The following CPE variants were observed in gnomAD, a reference collection of about 807,000 sequenced individuals.
The protein encoded by CPE is carboxypeptidase E, also known as carbocypeptidase E.
Under a neutral mutation model 53.5 loss-of-function variants are expected in CPE, and 17 were observed. The ratio of observed to expected loss-of-function variants is 0.32; its 90% CI spans 0.22 to 0.48. The LOEUF (loss-of-function observed/expected upper bound fraction) is 0.48, where lower values mean the gene tolerates loss of function less well. CPE is among the 20% of genes least tolerant of loss of function. CPE has a pLI of 0.99. For synonymous variants in CPE, 226 were observed against 228.8 expected (o/e 0.99, Z 0.11); for missense variants, 524 against 614.7 (o/e 0.85, Z 1.56).
chr4:165,442,097 C>T (rs574611047), intron 1 of CPE, among the ~76,000 whole-genome samples: 1 of 130,916 alleles, frequency 7.6e-6, no homozygotes, highest in East Asian at 2.4e-4. Flanking sequence ...GGCTGGAGTG[C>T]AGGAGTGTGA....
At chr4:165,471,993 C>G (rs1235257560) in intron 3 of CPE, among the ~76,000 whole-genome samples, 1 of 152,176 alleles carries the variant, frequency 6.6e-6, no homozygotes, top group South Asian at 2.1e-4. Flanking sequence ...CAAATAGTTT[C>G]CAAATTCTGG....
intron 3 of CPE, among the ~76,000 whole-genome samples, chr4:165,478,820 G>A (rs1421038351): frequency 6.6e-6 from 1 of 152,130 alleles, no homozygotes; most frequent in Non-Finnish European, 1.5e-5. Flanking sequence ...CCCTCTCAGA[G>A]AGTATTTTCC....
intron 4 of CPE, among the ~76,000 whole-genome samples, chr4:165,483,063 C>A (rs1445240510): frequency 6.6e-6 from 1 of 150,626 alleles, no homozygotes; most frequent in Non-Finnish European, 1.5e-5. Flanking sequence ...GGATATATTA[C>A]ATAATGGTGA....
intron 3 of CPE, among the ~76,000 whole-genome samples, 171 bp downstream of exon 3, chr4:165,468,026 C>T (rs1732139542): frequency 6.6e-6 from 1 of 152,016 alleles, no homozygotes; most frequent in Non-Finnish European, 1.5e-5. Context: ...TTGTCCTGGC[C>T]CCTAGAATTG....
chr4:165,421,272 C>G (rs1259854711), intron 1 of CPE, among the ~76,000 whole-genome samples: 1 of 152,168 alleles, frequency 6.6e-6, no homozygotes, highest in Non-Finnish European at 1.5e-5. Context: ...TTAAAAACAA[C>G]ACATGTATTG....
intron 1 of CPE, among the ~76,000 whole-genome samples, chr4:165,414,228 A>G (rs1296887383): frequency 6.6e-6 from 1 of 152,222 alleles, no homozygotes; most frequent in Non-Finnish European, 1.5e-5. Context: ...TAATCTGTCA[A>G]ATTGATCAGA....
chr4:165,416,696 T>C (rs1488746315), intron 1 of CPE, among the ~76,000 whole-genome samples: 1 of 151,658 alleles, frequency 6.6e-6, no homozygotes, highest in African/African-American at 2.4e-5. Context: ...CCTTCTTGAT[T>C]CCCCCGGCCT....
At chr4:165,414,074 T>G (rs2126669382) in intron 1 of CPE, among the ~76,000 whole-genome samples, 2 of 152,320 alleles carry the variant, frequency 1.3e-5, no homozygotes, top group South Asian at 4.1e-4. Flanking sequence ...TCAAAAGATT[T>G]GTATGTATTT....
intron 1 of CPE, among the ~76,000 whole-genome samples, chr4:165,453,791 G>C (rs1402937904): frequency 6.6e-6 from 1 of 152,164 alleles, no homozygotes. Flanking sequence ...TCCCACAAGA[G>C]ACTCATCATC....
intron 7 of CPE, among the ~76,000 whole-genome samples, chr4:165,493,553 C>T (rs757623348): frequency 6.6e-6 from 1 of 152,144 alleles, no homozygotes; most frequent in Non-Finnish European, 1.5e-5. Context: ...GCTGCCGATT[C>T]TTCGCGGTTC....
At chr4:165,448,017 T>C (rs1020845270) in intron 1 of CPE, among the ~76,000 whole-genome samples, 2 of 152,180 alleles carry the variant, frequency 1.3e-5, no homozygotes, top group African/African-American at 2.4e-5. Context: ...TTTTACTAAA[T>C]ATATGCATGT....
chr4:165,449,707 A>G (rs2126691091), intron 1 of CPE, among the ~76,000 whole-genome samples: 1 of 150,510 alleles, frequency 6.6e-6, no homozygotes, highest in South Asian at 2.1e-4. Context: ...TTTTCTGGTA[A>G]TTTTTTGTTA....
intron 3 of CPE, among the ~76,000 whole-genome samples, chr4:165,472,805 A>G (rs1156992567): frequency 2.0e-5 from 3 of 152,240 alleles, no homozygotes; most frequent in African/African-American, 7.2e-5. Flanking sequence ...ATCTTTTACT[A>G]AAACCACATT....
chr4:165,463,992 C>T (rs763802667), intron 1 of CPE, among the ~76,000 whole-genome samples: 3 of 152,232 alleles, frequency 2.0e-5, no homozygotes, highest in Non-Finnish European at 4.4e-5. Flanking sequence ...CGCCTTCTCA[C>T]TGTGCTCTCA....
chr4:165,482,059 AAGTT>A (rs1732423748), intron 3 of CPE, among the ~76,000 whole-genome samples, 179 bp from the exon 4 acceptor site: 1 of 152,216 alleles, frequency 6.6e-6, no homozygotes, highest in Non-Finnish European at 1.5e-5. Context: ...AAATCTGAGA[AAGTT>A]AGACATGAGG....
rs1579264701 is a variant in CPE, at chr4:165,445,194, G to A, written c.308-19196G>A. 2.0e-5 allele frequency among the ~76,000 whole-genome samples: 3 copies of A among 152,200 alleles called. 1 individual carries two copies. The highest frequency in any genetic ancestry group is 4.4e-5 in the Non-Finnish European group (3 of 68,006). On this transcript the variant is annotated intron_variant, in intron 1 of 8. Coordinates refer to ENST00000402744, the MANE Select transcript of CPE (RefSeq NM_001873.4). ...TGGTCTCGAACTCATGACCTCATGT[G>A]ATCTGCCCGCCTCGAACTCCCAAAG...
intron 6 of CPE, among the ~76,000 whole-genome samples, chr4:165,492,040 T>C (rs948853350): frequency 2.0e-5 from 3 of 152,242 alleles, no homozygotes; most frequent in Non-Finnish European, 4.4e-5. Flanking sequence ...CTGAAGCGAC[T>C]CTGTCACTTC....
chr4:165,472,302 C>A (rs1375151199), intron 3 of CPE, among the ~76,000 whole-genome samples: 6 of 152,152 alleles, frequency 3.9e-5, no homozygotes, highest in Admixed American at 3.3e-4. Flanking sequence ...TTCAAGAGTG[C>A]CTGCCAGAGT....
chr4:165,445,251 T>C (rs1400444055), intron 1 of CPE, among the ~76,000 whole-genome samples: 1 of 151,956 alleles, frequency 6.6e-6, no homozygotes, highest in African/African-American at 2.4e-5. Context: ...CTATTCTCTT[T>C]CTTCTAAAAA....
Sources: allele counts gnomAD v4.1 joint callset (sites outside exome capture counted in the v4.1 genomes callset), GRCh38; gene constraint gnomAD v4.1.1; transcripts MANE v1.5; gene names NCBI Gene and HGNC (gene_info 2026-07-23, HGNC 2026-07-21).